Variants in CELF2 observed in about 807,000 individuals in gnomAD.
The protein encoded by CELF2 is CUGBP Elav-like family member 2, also known as CUG triplet repeat RNA-binding protein 2.
In CELF2, 8 loss-of-function variants were observed where a neutral mutation model predicts 62.6. The ratio of observed to expected loss-of-function variants is 0.13; its 90% CI spans 0.07 to 0.23. The LOEUF (loss-of-function observed/expected upper bound fraction) is 0.23, where lower values mean the gene tolerates loss of function less well. CELF2 is among the 10% of genes least tolerant of loss of function. The pLI is 1.00. For synonymous variants in CELF2, 258 were observed against 250.0 expected (o/e 1.03, Z -0.30); for missense variants, 333 against 671.0 (o/e 0.50, Z 5.56).
chr10:10,760,320 G>A, the CELF2 span, among the ~76,000 whole-genome samples: 5 of 152,180 alleles, frequency 3.3e-5, no homozygotes, highest in African/African-American at 1.2e-4. Context: ...CTCTAGGAGT[G>A]TTCTGCTGTT....
rs2765975 is a variant in CELF2 at position 11,246,031 on chromosome 10, A to G, written c.355-3122A>G. On this transcript the variant is annotated intron_variant, in intron 3 of 12. Coordinates refer to ENST00000633077, the MANE Select transcript of CELF2 (RefSeq NM_001326342.2). This position sits in a 1 kb window ranked among gnomAD's most constrained non-coding sequence, Gnocchi z 4.6. ...GTCAGCCGAGAGCACTGACTGCGTG[A>G]TTTCCAGGGTCCTTTACAGCTTTAG... Among the ~76,000 whole-genome samples, 2,300 of 152,214 alleles carry G rather than the reference A, an allele frequency of 0.015. 69 individuals carry two copies. The highest frequency in any genetic ancestry group is 0.051 in the African/African-American group (2,114 of 41,510).
At chr10:10,561,831 G>A in the CELF2 span, among the ~76,000 whole-genome samples, 4 of 152,194 alleles carry the variant, frequency 2.6e-5, no homozygotes, top group East Asian at 1.9e-4. Flanking sequence ...GGTGGCAGCA[G>A]CGTCAGTAGA....
intron 8 of CELF2, among the ~76,000 whole-genome samples, chr10:11,284,502 G>GGATGAGGGATGAGTGTGTGGTGGGT (rs2090457885): frequency 5.2e-5 from 2 of 38,120 alleles, no homozygotes; most frequent in Non-Finnish European, 9.8e-5. Flanking sequence ...TGTGTGGTGG[G>GGATGAGGGATGAGTGTGTGGTGGGT]GGATGAGGGA....
intron 1 of CELF2, among the ~76,000 whole-genome samples, chr10:10,858,927 A>C (rs1188068480): frequency 6.6e-6 from 1 of 152,192 alleles, no homozygotes; most frequent in East Asian, 1.9e-4. Context: ...GGTATAAATT[A>C]ACACTAGGAC....
intron 2 of CELF2, among the ~76,000 whole-genome samples, chr10:11,216,776 T>C (rs2063471351): frequency 1.3e-5 from 2 of 152,232 alleles, no homozygotes; most frequent in Non-Finnish European, 2.9e-5. Context: ...CAGCCATATA[T>C]GTAATGCATG....
At chr10:10,988,071 G>T (rs2052989538) in intron 2 of CELF2, among the ~76,000 whole-genome samples, 1 of 152,072 alleles carries the variant, frequency 6.6e-6, no homozygotes, top group South Asian at 2.1e-4. Flanking sequence ...AGAACTAAAA[G>T]TGGATCTACC....
chr10:10,508,664 G>A, the CELF2 span, among the ~76,000 whole-genome samples: 552 of 17,966 alleles, frequency 0.031, 9 homozygotes, highest in African/African-American at 0.12. Context: ...AAACAGATGT[G>A]TGTGTGTGTG....
the CELF2 span, among the ~76,000 whole-genome samples, chr10:10,763,621 T>G: frequency 6.6e-6 from 1 of 152,156 alleles, no homozygotes; most frequent in African/African-American, 2.4e-5. Flanking sequence ...TGTGGCTTGT[T>G]TTTGCAATTG....
the CELF2 span, among the ~76,000 whole-genome samples, chr10:10,758,455 T>C: frequency 0.022 from 3,363 of 152,288 alleles, 119 homozygotes; most frequent in African/African-American, 0.076. Context: ...AATGACATCT[T>C]CCTGCCTCGT....
the CELF2 span, among the ~76,000 whole-genome samples, chr10:10,781,048 G>T: frequency 2.0e-5 from 3 of 152,164 alleles, no homozygotes; most frequent in Non-Finnish European, 4.4e-5. Context: ...ATTCCACAAA[G>T]AAAGCACGTT....
At chr10:10,737,117 A>G in the CELF2 span, among the ~76,000 whole-genome samples, 9 of 152,296 alleles carry the variant, frequency 5.9e-5, no homozygotes, top group Admixed American at 5.2e-4. Context: ...CAAGAGGAAA[A>G]AAGTATAAGT....
At chr10:10,706,919 A>T in the CELF2 span, among the ~76,000 whole-genome samples, 20 of 152,226 alleles carry the variant, frequency 1.3e-4, no homozygotes, top group Non-Finnish European at 1.6e-4. Flanking sequence ...GAGAAGATAA[A>T]GCCAATGAAA....
At chr10:10,678,804 A>T in the CELF2 span, among the ~76,000 whole-genome samples, 7 of 152,198 alleles carry the variant, frequency 4.6e-5, no homozygotes, top group Non-Finnish European at 7.3e-5. Flanking sequence ...CTCTGTTAGG[A>T]TCCTTTTGGA....
At chr10:11,109,874 A>G (rs1229485956) in intron 1 of CELF2, among the ~76,000 whole-genome samples, 4 of 152,152 alleles carry the variant, frequency 2.6e-5, no homozygotes, top group Admixed American at 6.5e-5. Context: ...TATTGGCAGC[A>G]GTTTAGTCAG....
chr10:11,045,378 C>T (rs1310356472), intron 1 of CELF2, among the ~76,000 whole-genome samples: 1 of 152,164 alleles, frequency 6.6e-6, no homozygotes, highest in African/African-American at 2.4e-5. Flanking sequence ...ACTAGGATTA[C>T]AGGAGTGAGC....
At position 11,305,833 on chromosome 10, in the gene CELF2, A is replaced by G. The variant is rs2140304413; in HGVS notation, c.977-8306A>G. 6.6e-6 allele frequency among the ~76,000 whole-genome samples: 1 copy of G among 152,340 alleles called. No individual in the cohort carries two copies. Reference sequence around the variant, plus strand: ...AGTGAGCTTATCTGGGCAAACAAGCAAAGAACTTCTGTGGCCAGGCCAAGG... The same window carrying G: ...AGTGAGCTTATCTGGGCAAACAAGCGAAGAACTTCTGTGGCCAGGCCAAGG... On this transcript the variant is annotated intron_variant, in intron 9 of 12. Coordinates refer to ENST00000633077, the MANE Select transcript of CELF2 (RefSeq NM_001326342.2). The surrounding 1 kb of genome is among the most constrained non-coding windows in gnomAD (Gnocchi z 4.8).
At chr10:11,322,973 A>G (rs2095522755) in intron 11 of CELF2, among the ~76,000 whole-genome samples, 1 of 152,140 alleles carries the variant, frequency 6.6e-6, no homozygotes, top group Admixed American at 6.5e-5. Context: ...CAGAGGCCAG[A>G]AGGCCAGTTC....
chr10:10,945,279 A>G (rs1277236333), intron 2 of CELF2, among the ~76,000 whole-genome samples: 2 of 152,298 alleles, frequency 1.3e-5, no homozygotes, highest in Non-Finnish European at 2.9e-5. Context: ...TTCATGCAGT[A>G]GCCTTGGGCC....
the CELF2 span, among the ~76,000 whole-genome samples, chr10:10,580,001 A>C: frequency 1.3e-5 from 2 of 152,158 alleles, no homozygotes; most frequent in African/African-American, 4.8e-5. Context: ...CTGATGTGGA[A>C]ATTCAAGAAC....
Sources: gnomAD v4.1 joint callset for allele counts (sites outside exome capture counted in the v4.1 genomes callset) on GRCh38, gnomAD v4.1.1 for gene constraint, Gnocchi (gnomAD v3.1) non-coding constraint, MANE v1.5 for transcripts, NCBI Gene and HGNC (gene_info 2026-07-23, HGNC 2026-07-21) for gene names.